CNTN1: variants seen among roughly 807,000 people sequenced by gnomAD.
The protein encoded by CNTN1 is contactin-1.
In CNTN1, 38 loss-of-function variants were observed where a neutral mutation model predicts 126.4. The observed-to-expected ratio is 0.30, with a 90% confidence interval of 0.23 to 0.39. The LOEUF is 0.39. CNTN1 is among the 10% of genes least tolerant of loss of function. The pLI, the probability that CNTN1 is intolerant of heterozygous loss-of-function variation, is 1.00. For synonymous variants in CNTN1, 413 were observed against 422.6 expected (o/e 0.98, Z 0.28); for missense variants, 1,009 against 1,248.4 (o/e 0.81, Z 2.89).
At chr12:40,742,391 G>A (rs1937981384) in intron 1 of CNTN1, 1 of 152,196 alleles carries the variant, frequency 6.6e-6, no homozygotes, top group East Asian at 1.9e-4. Flanking sequence ...GAGGAAAATG[G>A]TTTGTCTTTT....
At chr12:41,029,518 A>G (rs1046486502) in intron 23 of CNTN1, among the ~76,000 whole-genome samples, 2 of 152,144 alleles carry the variant, frequency 1.3e-5, no homozygotes, top group Non-Finnish European at 2.9e-5. Context: ...ATATTAGTTT[A>G]TTTGATTGTG....
At chr12:40,774,808 T>C in intron 1 of CNTN1, among the ~76,000 whole-genome samples, 1 of 151,540 alleles carries the variant, frequency 6.6e-6, no homozygotes. Context: ...AAAATCAAAG[T>C]TTACTAAAAT....
At chr12:40,824,746 A>G (rs1672465377) in intron 1 of CNTN1, among the ~76,000 whole-genome samples, 1 of 152,154 alleles carries the variant, frequency 6.6e-6, no homozygotes, top group Admixed American at 6.6e-5. Flanking sequence ...TAAAGCCCAT[A>G]TTGTTTCCAT....
Position 40,959,250 on chromosome 12 carries a change from T to G in CNTN1, c.1804+16T>G. ...GTAGTGAGAGGTAAGAGTTTCAACA[T>G]TTTAAAATTACAAAACCAAAAGTAT... On this transcript the variant is annotated intron_variant, in intron 15 of 23. Transcript: ENST00000551295. The G allele has an allele frequency of 6.2e-7, 1 of 1,611,790 alleles. No individual in the cohort carries two copies.
intron 23 of CNTN1, among the ~76,000 whole-genome samples, chr12:41,053,726 A>C (rs1031612481): frequency 2.0e-5 from 3 of 151,408 alleles, no homozygotes; most frequent in Admixed American, 2.0e-4. Flanking sequence ...CATTACAAAT[A>C]ATATAATGCT....
chr12:41,008,048 TGTTA>T (rs1221947201), intron 17 of CNTN1, among the ~76,000 whole-genome samples: 6 of 152,178 alleles, frequency 3.9e-5, no homozygotes, highest in Non-Finnish European at 7.4e-5. Context: ...CCCTAATTGC[TGTTA>T]GTGGTCATTT....
At chr12:40,879,136 T>C (rs918180853) in intron 1 of CNTN1, among the ~76,000 whole-genome samples, 4 of 152,186 alleles carry the variant, frequency 2.6e-5, no homozygotes, top group Admixed American at 2.6e-4. Context: ...ATCAATGTCA[T>C]GGTTTTTCAT....
chr12:41,045,409 C>CTT (rs1435915688), intron 23 of CNTN1, among the ~76,000 whole-genome samples: 2 of 152,044 alleles, frequency 1.3e-5, no homozygotes, highest in Non-Finnish European at 2.9e-5. Flanking sequence ...ATTTTCTCTC[C>CTT]TGAGGTTTGA....
chr12:40,881,044 T>C (rs1288460075), intron 1 of CNTN1, among the ~76,000 whole-genome samples: 1 of 151,976 alleles, frequency 6.6e-6, no homozygotes, highest in Non-Finnish European at 1.5e-5. Context: ...CTCCTGTGAA[T>C]AGAAGAATTC....
chr12:40,771,499 G>T (rs968137125), intron 1 of CNTN1, among the ~76,000 whole-genome samples: 1 of 152,004 alleles, frequency 6.6e-6, no homozygotes, highest in African/African-American at 2.4e-5. Context: ...AGAGGGATAT[G>T]TTCTTATTTA....
intron 15 of CNTN1, among the ~76,000 whole-genome samples, chr12:40,961,407 A>G (rs1337584501): frequency 6.6e-6 from 1 of 152,070 alleles, no homozygotes; most frequent in African/African-American, 2.4e-5. Context: ...ACCAGAAGGT[A>G]GACAATTAAA....
chr12:41,018,661 T>G (rs11838027), intron 19 of CNTN1, among the ~76,000 whole-genome samples: 193 of 149,924 alleles, frequency 1.3e-3, no homozygotes, highest in African/African-American at 4.5e-3. Context: ...TTACTATATT[T>G]TTTACTGCAT....
intron 3 of CNTN1, among the ~76,000 whole-genome samples, chr12:40,918,084 T>A (rs915775827): frequency 6.6e-6 from 1 of 152,166 alleles, no homozygotes. Flanking sequence ...AGGAGAATGA[T>A]GTACACAGAT....
At chr12:40,839,358 G>A (rs1942192081) in intron 1 of CNTN1, among the ~76,000 whole-genome samples, 1 of 149,822 alleles carries the variant, frequency 6.7e-6, no homozygotes, top group African/African-American at 2.4e-5. Context: ...ATTAGAAACT[G>A]TTTAACGAAA....
At chr12:41,011,557 C>G (rs1948653443) in intron 17 of CNTN1, among the ~76,000 whole-genome samples, 1 of 152,226 alleles carries the variant, frequency 6.6e-6, no homozygotes, top group Admixed American at 6.5e-5. Context: ...GTTAAATGTG[C>G]TGCCCATGGT....
At chr12:41,060,875 C>T (rs1264276976) in intron 23 of CNTN1, among the ~76,000 whole-genome samples, 4 of 152,082 alleles carry the variant, frequency 2.6e-5, no homozygotes, top group Non-Finnish European at 5.9e-5. Context: ...TAAATACTCA[C>T]TAAAAAATCA....
intron 1 of CNTN1, among the ~76,000 whole-genome samples, chr12:40,860,928 A>G (rs1003925543): frequency 2.6e-5 from 4 of 152,064 alleles, no homozygotes; most frequent in African/African-American, 9.7e-5. Flanking sequence ...GCCCACAAAG[A>G]GTCACCTTAT....
intron 1 of CNTN1, among the ~76,000 whole-genome samples, chr12:40,861,169 C>A (rs1943104535): frequency 6.6e-6 from 1 of 152,078 alleles, no homozygotes; most frequent in South Asian, 2.1e-4. Context: ...AAGAACATAT[C>A]ACATTTTCTT....
intron 14 of CNTN1, among the ~76,000 whole-genome samples, chr12:40,948,264 T>TTC (rs1946512959): frequency 7.1e-6 from 1 of 141,100 alleles, no homozygotes; most frequent in African/African-American, 2.7e-5. Context: ...CTTTCTTTTT[T>TTC]TTTTTTTTTT....
Sources: gnomAD v4.1 joint callset for allele counts (sites outside exome capture counted in the v4.1 genomes callset) on GRCh38, gnomAD v4.1.1 for gene constraint, MANE v1.5 for transcripts, NCBI Gene and HGNC (gene_info 2026-07-23, HGNC 2026-07-21) for gene names.